AFF3: variants seen among roughly 807,000 people sequenced by gnomAD.
The protein encoded by AFF3 is ALF transcription elongation factor 3, also known as AF4/FMR2 family member 3.
Under a neutral mutation model 129.7 loss-of-function variants are expected in AFF3, and 32 were observed. That is an observed-to-expected ratio of 0.25 (90% CI 0.19 to 0.33). The LOEUF (loss-of-function observed/expected upper bound fraction) is 0.33. Ranked by LOEUF, AFF3 falls within the 10% of genes least tolerant of loss-of-function variation. The pLI, the probability that AFF3 is intolerant of heterozygous loss-of-function variation, is 1.00. For missense variants in AFF3, 1,373 were observed against 1,592.0 expected (o/e 0.86, Z 2.34); for synonymous variants, 644 against 635.4 (o/e 1.01, Z -0.20).
Position 100,023,231 on chromosome 2 carries a change from G to A in AFF3, c.54-14299C>T, listed in dbSNP as rs958957045. On this transcript the variant is annotated intron_variant, in intron 4 of 24. Coordinates refer to ENST00000672756, the MANE Select transcript of AFF3 (RefSeq NM_001386135.1). ...CTGAGCCAGTAAGGATAAACAATAC[G>A]TGAGATTTGCCTGGTCTTCCAGGAC... Among the ~76,000 whole-genome samples the A allele has an allele frequency of 2.6e-5, 4 of 152,182 alleles. 1 individual carries two copies. Among genetic ancestry groups the A allele is most frequent in the East Asian group, 3.9e-4 (2 of 5,190 alleles).
chr2:99,799,839 A>T (rs1311219232), intron 8 of AFF3, among the ~76,000 whole-genome samples: 3 of 152,156 alleles, frequency 2.0e-5, no homozygotes, highest in Admixed American at 1.3e-4. Flanking sequence ...TGCAAAGGCA[A>T]TTAAGTGGAG....
chr2:99,577,474 G>T (rs1255828671), intron 18 of AFF3, among the ~76,000 whole-genome samples: 1 of 152,190 alleles, frequency 6.6e-6, no homozygotes, highest in Non-Finnish European at 1.5e-5. Flanking sequence ...GTCCAGTGGG[G>T]TTAGTGGTTT....
intron 2 of AFF3, among the ~76,000 whole-genome samples, chr2:100,126,217 T>A (rs1276616730): frequency 6.6e-6 from 1 of 152,194 alleles, no homozygotes; most frequent in African/African-American, 2.4e-5. Flanking sequence ...CAGGAAGTTG[T>A]GACACTGGTT....
intron 11 of AFF3, among the ~76,000 whole-genome samples, chr2:99,721,065 T>C (rs1678847841): frequency 6.6e-6 from 1 of 152,212 alleles, no homozygotes; most frequent in Non-Finnish European, 1.5e-5. Flanking sequence ...TTCCTATAAA[T>C]ATTTTCTTCT....
chr2:99,581,833 A>C (rs376539693), intron 17 of AFF3, among the ~76,000 whole-genome samples: 2 of 146,610 alleles, frequency 1.4e-5, no homozygotes, highest in African/African-American at 5.1e-5. Context: ...TTAGTTGCTT[A>C]GGCGTCCCTA....
At chr2:100,021,262 T>A (rs575980131) in intron 4 of AFF3, among the ~76,000 whole-genome samples, 184 of 152,338 alleles carry the variant, frequency 1.2e-3, no homozygotes, top group Non-Finnish European at 2.2e-3. Flanking sequence ...CTAGTTTCTA[T>A]CAAACTGTAT....
At chr2:100,041,878 A>G (rs1048165739) in intron 4 of AFF3, among the ~76,000 whole-genome samples, 1 of 152,224 alleles carries the variant, frequency 6.6e-6, no homozygotes, top group Non-Finnish European at 1.5e-5. Flanking sequence ...TTACATGCAG[A>G]CTTTCAATAC....
intron 11 of AFF3, among the ~76,000 whole-genome samples, chr2:99,711,303 C>T (rs1677869214): frequency 1.3e-5 from 2 of 152,122 alleles, no homozygotes; most frequent in Admixed American, 1.3e-4. Flanking sequence ...CCTCCAGGAG[C>T]CAACTCACTT....
At chr2:100,028,797 C>G (rs576448506) in intron 4 of AFF3, among the ~76,000 whole-genome samples, 1 of 152,132 alleles carries the variant, frequency 6.6e-6, no homozygotes, top group East Asian at 1.9e-4. Context: ...GCAAAGAAAC[C>G]CTTGAGCACT....
chr2:99,675,563 G>A (rs1687533321), intron 11 of AFF3, among the ~76,000 whole-genome samples: 2 of 152,198 alleles, frequency 1.3e-5, no homozygotes, highest in African/African-American at 4.8e-5. Flanking sequence ...TGTGACCACT[G>A]CATCTTCAAG....
chr2:99,870,215 A>G (rs574803096), intron 7 of AFF3, among the ~76,000 whole-genome samples: 3 of 152,332 alleles, frequency 2.0e-5, no homozygotes, highest in Admixed American at 6.5e-5. Context: ...CAAACAGTGC[A>G]GTCTGCAGTT....
At chr2:100,127,391 A>G (rs760578697) in intron 2 of AFF3, among the ~76,000 whole-genome samples, 2 of 152,136 alleles carry the variant, frequency 1.3e-5, no homozygotes, top group African/African-American at 4.8e-5. Context: ...TAGGTAAGGA[A>G]CACAAGGTTC....
chr2:100,135,107 G>C (rs1326919884), intron 1 of AFF3, among the ~76,000 whole-genome samples: 1 of 152,210 alleles, frequency 6.6e-6, no homozygotes, highest in Non-Finnish European at 1.5e-5. Context: ...ACAAATAAGG[G>C]AGAGAGCACC....
chr2:100,113,597 C>T (rs72966493), intron 2 of AFF3, among the ~76,000 whole-genome samples: 2,252 of 152,286 alleles, frequency 0.015, 55 homozygotes, highest in African/African-American at 0.05. Flanking sequence ...AGAACAAACG[C>T]CGTGTACTAT....
intron 4 of AFF3, among the ~76,000 whole-genome samples, chr2:100,019,299 G>A (rs902297396): frequency 6.6e-6 from 1 of 152,182 alleles, no homozygotes; most frequent in Non-Finnish European, 1.5e-5. Context: ...AAAGGACTAA[G>A]AGTCACCTTG....
chr2:99,933,646 T>G (rs538832836), intron 7 of AFF3, among the ~76,000 whole-genome samples: 22 of 152,336 alleles, frequency 1.4e-4, no homozygotes, highest in African/African-American at 5.1e-4. Flanking sequence ...GTTTCCAGCT[T>G]CATCCATGTC....
chr2:100,028,841 T>C (rs1367012948), intron 4 of AFF3, among the ~76,000 whole-genome samples: 3 of 152,154 alleles, frequency 2.0e-5, no homozygotes, highest in African/African-American at 7.2e-5. Flanking sequence ...ACAACTACTG[T>C]GCAAAACAGC....
At chr2:99,619,156 G>A (rs532330391) in intron 13 of AFF3, among the ~76,000 whole-genome samples, 2 of 152,324 alleles carry the variant, frequency 1.3e-5, no homozygotes, top group South Asian at 4.2e-4. Context: ...TTTGGCTCCT[G>A]AAAACCCTCT....
At chr2:99,611,037 C>T (rs926898392) in intron 13 of AFF3, among the ~76,000 whole-genome samples, 2 of 152,162 alleles carry the variant, frequency 1.3e-5, no homozygotes, top group African/African-American at 4.8e-5. Flanking sequence ...CTTGTTCCAT[C>T]TTCAAGTTCA....
Sources: allele counts gnomAD v4.1 joint callset (sites outside exome capture counted in the v4.1 genomes callset), GRCh38; gene constraint gnomAD v4.1.1; transcripts MANE v1.5; gene names NCBI Gene and HGNC (gene_info 2026-07-23, HGNC 2026-07-21).